Variants in MSRA observed in about 807,000 individuals in gnomAD.
MSRA encodes the protein methionine sulfoxide reductase A.
Under a neutral mutation model 31.3 loss-of-function variants are expected in MSRA, and 54 were observed. The ratio of observed to expected loss-of-function variants is 1.73; its 90% CI spans 1.39 to 2.17. The LOEUF is 2.17. Ranked by LOEUF, MSRA falls within the 30% of genes most tolerant of loss-of-function variation. The probability of loss-of-function intolerance (pLI) is 0.00; values close to 1 mark genes in which losing one functional copy is unlikely to be tolerated. For missense variants in MSRA, 507 were observed against 300.9 expected (o/e 1.69, Z -5.07); for synonymous variants, 169 against 116.5 (o/e 1.45, Z -2.90).
chr8:10,247,528 T>C (rs536389556), intron 3 of MSRA, among the ~76,000 whole-genome samples: 86 of 152,316 alleles, frequency 5.6e-4, no homozygotes, highest in African/African-American at 1.5e-3. Context: ...GTCTTTCTTA[T>C]GTTTAGAAGG....
chr8:10,351,389 G>A (rs954415728), intron 5 of MSRA, among the ~76,000 whole-genome samples: 7 of 151,886 alleles, frequency 4.6e-5, no homozygotes, highest in Admixed American at 1.3e-4. Flanking sequence ...AGGCATCTGG[G>A]ACCACAGGCA....
At chr8:10,269,439 C>G (rs986554572) in intron 3 of MSRA, among the ~76,000 whole-genome samples, 4 of 152,232 alleles carry the variant, frequency 2.6e-5, no homozygotes, top group Admixed American at 2.0e-4. Context: ...ATTACTCGAT[C>G]ACTTCTGTAG....
At chr8:10,120,500 A>G (rs963250800) in intron 1 of MSRA, among the ~76,000 whole-genome samples, 3 of 152,206 alleles carry the variant, frequency 2.0e-5, no homozygotes, top group African/African-American at 7.2e-5. Context: ...CTTCCAAAAT[A>G]CTAAGCTAAA....
intron 3 of MSRA, among the ~76,000 whole-genome samples, chr8:10,294,089 A>C (rs1467537293): frequency 6.6e-6 from 1 of 152,140 alleles, no homozygotes; most frequent in Non-Finnish European, 1.5e-5. Flanking sequence ...CTATAATCTC[A>C]GCTACTTAGG....
intron 1 of MSRA, among the ~76,000 whole-genome samples, chr8:10,153,771 C>T (rs768837864): frequency 2.6e-5 from 4 of 152,082 alleles, no homozygotes; most frequent in African/African-American, 7.2e-5. Flanking sequence ...AGGAGGAAGC[C>T]GTGCAACAGC....
chr8:10,082,986 A>T (rs932147353), intron 1 of MSRA, among the ~76,000 whole-genome samples: 1 of 152,236 alleles, frequency 6.6e-6, no homozygotes, highest in Non-Finnish European at 1.5e-5. Context: ...GAAGCCAAAA[A>T]TAACACAGAT....
intron 5 of MSRA, among the ~76,000 whole-genome samples, chr8:10,384,210 G>A (rs906533394): frequency 1.1e-4 from 16 of 152,110 alleles, no homozygotes; most frequent in Non-Finnish European, 2.2e-4. Flanking sequence ...CCTTAGAGAT[G>A]GGGAGAAATA....
intron 5 of MSRA, among the ~76,000 whole-genome samples, chr8:10,412,520 A>G (rs897340574): frequency 2.6e-5 from 4 of 152,220 alleles, no homozygotes; most frequent in African/African-American, 9.6e-5. Flanking sequence ...GGAGCATACC[A>G]GAATCATGGG....
At chr8:10,214,241 G>A (rs1297607634) in intron 2 of MSRA, among the ~76,000 whole-genome samples, 1 of 152,124 alleles carries the variant, frequency 6.6e-6, no homozygotes, top group African/African-American at 2.4e-5. Flanking sequence ...GAATGGACAG[G>A]TCCCGGAGCA....
At chr8:10,105,414 C>T (rs1270723308) in intron 1 of MSRA, among the ~76,000 whole-genome samples, 2 of 152,172 alleles carry the variant, frequency 1.3e-5, no homozygotes, top group Non-Finnish European at 2.9e-5. Context: ...GAAAAAGTTT[C>T]TCATTTTCCA....
chr8:10,317,945 C>T (rs1025151095), intron 4 of MSRA, among the ~76,000 whole-genome samples: 3 of 152,232 alleles, frequency 2.0e-5, no homozygotes, highest in East Asian at 1.9e-4. Flanking sequence ...TGTGGTTACA[C>T]GCCCAACCCA....
intron 5 of MSRA, among the ~76,000 whole-genome samples, chr8:10,360,830 G>A (rs1393820165): frequency 6.6e-6 from 1 of 152,160 alleles, no homozygotes; most frequent in Non-Finnish European, 1.5e-5. Flanking sequence ...CCTGTGTATG[G>A]AGATAATGAG....
At chr8:10,184,219 G>A (rs554272633) in intron 1 of MSRA, among the ~76,000 whole-genome samples, 5 of 151,972 alleles carry the variant, frequency 3.3e-5, no homozygotes, top group Admixed American at 2.0e-4. Flanking sequence ...GGTGGTGGTC[G>A]GGATGGAAGT....
At chr8:10,245,277 A>T (rs539386952) in intron 3 of MSRA, 54 bp downstream of exon 3, 2 of 1,543,466 alleles carry the variant, frequency 1.3e-6, no homozygotes, top group Admixed American at 3.7e-5. Context: ...AGGGCTTGTC[A>T]CTACTGTTGG....
At chr8:10,182,159 C>G (rs1437340687) in intron 1 of MSRA, among the ~76,000 whole-genome samples, 1 of 152,098 alleles carries the variant, frequency 6.6e-6, no homozygotes, top group East Asian at 1.9e-4. Flanking sequence ...CTTGGTTTAT[C>G]CTCTAAGCTG....
chr8:10,061,259 C>T (rs1802703423), intron 1 of MSRA, among the ~76,000 whole-genome samples: 1 of 152,152 alleles, frequency 6.6e-6, no homozygotes, highest in African/African-American at 2.4e-5. Context: ...GCGTGGATTG[C>T]ACACTTGGAT....
At chr8:10,147,584 C>G (rs539516196) in intron 1 of MSRA, among the ~76,000 whole-genome samples, 1 of 152,332 alleles carries the variant, frequency 6.6e-6, no homozygotes, top group East Asian at 1.9e-4. Context: ...GAAGGGGTCA[C>G]ACAGGGCATG....
chr8:10,165,998 G>T (rs62488741), intron 1 of MSRA, among the ~76,000 whole-genome samples: 1 of 152,160 alleles, frequency 6.6e-6, no homozygotes, highest in Non-Finnish European at 1.5e-5. Flanking sequence ...GAGTCTGGGC[G>T]TAAAACATCT....
At chr8:10,098,465 A>G (rs758886429) in intron 1 of MSRA, among the ~76,000 whole-genome samples, 2 of 152,202 alleles carry the variant, frequency 1.3e-5, no homozygotes, top group Non-Finnish European at 2.9e-5. Flanking sequence ...CATTTATTCA[A>G]CAAATGTTTA....
Sources: allele counts gnomAD v4.1 joint callset (sites outside exome capture counted in the v4.1 genomes callset), GRCh38; gene constraint gnomAD v4.1.1; transcripts MANE v1.5; gene names NCBI Gene and HGNC (gene_info 2026-07-23, HGNC 2026-07-21).